LUZP2: variants seen among roughly 807,000 people sequenced by gnomAD.
LUZP2 encodes the protein leucine zipper protein 2.
In LUZP2, 52 loss-of-function variants were observed where a neutral mutation model predicts 51.6. That is an observed-to-expected ratio of 1.01 (90% CI 0.81 to 1.27). The LOEUF is 1.27. Among genes scored for constraint, LUZP2 ranks in the 50% most tolerant of loss-of-function variants. The pLI, the probability that LUZP2 is intolerant of heterozygous loss-of-function variation, is 0.00. For synonymous variants in LUZP2, 154 were observed against 137.3 expected (o/e 1.12, Z -0.85); for missense variants, 436 against 395.4 (o/e 1.10, Z -0.87).
intron 1 of LUZP2, among the ~76,000 whole-genome samples, chr11:24,718,555 T>A (rs1481796061): frequency 1.3e-5 from 2 of 151,470 alleles, no homozygotes; most frequent in African/African-American, 2.4e-5. Flanking sequence ...AGACAAAAGG[T>A]TTGGGGAATT....
chr11:24,793,516 T>A (rs1849463588), intron 5 of LUZP2, among the ~76,000 whole-genome samples: 2 of 152,132 alleles, frequency 1.3e-5, no homozygotes, highest in Admixed American at 1.3e-4. Context: ...TAAAGAAAAG[T>A]CTGACTAAAT....
intron 7 of LUZP2, among the ~76,000 whole-genome samples, chr11:24,955,881 G>C (rs974048793): frequency 1.3e-5 from 2 of 151,970 alleles, no homozygotes; most frequent in Non-Finnish European, 2.9e-5. Flanking sequence ...AAGTTGTTTT[G>C]TCAAGAGGAA....
At chr11:24,927,758 T>C (rs971217294) in intron 7 of LUZP2, among the ~76,000 whole-genome samples, 6 of 152,084 alleles carry the variant, frequency 3.9e-5, no homozygotes, top group African/African-American at 1.4e-4. Context: ...AGAAATTTTT[T>C]TCTACTTTTG....
At chr11:24,748,352 G>T (rs1380210233) in intron 4 of LUZP2, among the ~76,000 whole-genome samples, 1 of 152,108 alleles carries the variant, frequency 6.6e-6, no homozygotes. Flanking sequence ...GGAGCCGAGG[G>T]TCTCCCTTTC....
intron 9 of LUZP2, among the ~76,000 whole-genome samples, chr11:25,002,543 C>T (rs150968658): frequency 0.052 from 7,852 of 152,166 alleles, 484 homozygotes; most frequent in African/African-American, 0.15. Flanking sequence ...ATTTACATCA[C>T]GAGTAGTCCA....
intron 5 of LUZP2, among the ~76,000 whole-genome samples, chr11:24,814,691 G>C (rs1850120156): frequency 6.6e-6 from 1 of 152,098 alleles, no homozygotes; most frequent in Admixed American, 6.6e-5. Context: ...GTTTCTCAGT[G>C]TTATTAAACA....
rs1284188639 is a variant in LUZP2, at chr11:24,922,828, TTTTTTTTTC to T, written c.522+8299_522+8307del. Among the ~76,000 whole-genome samples the T allele has an allele frequency of 7.1e-3, 296 of 41,562 alleles. 38 individuals are homozygous for T. The highest frequency in any genetic ancestry group is 0.03 in the African/African-American group (237 of 7,798). The allele number at this position is 41,562 out of a possible 152,430, so 27.3% of individuals were successfully genotyped here. A position where few individuals can be genotyped will look rare whatever the true frequency, so the allele number is the denominator to read the frequency against. On this transcript the variant is annotated intron_variant, in intron 7 of 11. Coordinates refer to ENST00000336930, the MANE Select transcript of LUZP2 (RefSeq NM_001009909.4). ...CTACCAAGTGGCACAGTTATATCTTTTTTTTTTTCTTTTTTTTTTTTTTTTTTTTTTTTT... is the reference window on the plus strand; with the variant it reads ...CTACCAAGTGGCACAGTTATATCTTTTTTTTTTTTTTTTTTTTTTTTTTTT...
At chr11:24,770,981 G>T (rs79894726) in intron 5 of LUZP2, among the ~76,000 whole-genome samples, 2,853 of 152,238 alleles carry the variant, frequency 0.019, 70 homozygotes, top group African/African-American at 0.062. Flanking sequence ...TTCTGCAACA[G>T]AGGATGGATA....
At chr11:24,773,875 G>A (rs189553979) in intron 5 of LUZP2, among the ~76,000 whole-genome samples, 124 of 152,206 alleles carry the variant, frequency 8.1e-4, no homozygotes, top group Non-Finnish European at 1.4e-3. Context: ...TTCAGTGCCC[G>A]AGGACCCTAA....
chr11:24,530,191 A>G (rs960811584), intron 1 of LUZP2, among the ~76,000 whole-genome samples: 2 of 150,848 alleles, frequency 1.3e-5, no homozygotes, highest in Non-Finnish European at 3.0e-5. Flanking sequence ...TTTAAATGCA[A>G]TGTACATGAT....
intron 9 of LUZP2, among the ~76,000 whole-genome samples, chr11:25,044,298 T>C (rs1242411564): frequency 1.4e-5 from 2 of 138,422 alleles, no homozygotes; most frequent in East Asian, 4.8e-4. Flanking sequence ...TATAGTCTGA[T>C]GCCCATTTTA....
At chr11:24,591,515 A>G (rs1239411762) in intron 1 of LUZP2, among the ~76,000 whole-genome samples, 1 of 152,196 alleles carries the variant, frequency 6.6e-6, no homozygotes, top group East Asian at 1.9e-4. Context: ...AAATACAAAT[A>G]TGTTGTGGTA....
chr11:24,793,938 A>G (rs1033304083), intron 5 of LUZP2, among the ~76,000 whole-genome samples: 1 of 152,070 alleles, frequency 6.6e-6, no homozygotes, highest in Admixed American at 6.6e-5. Flanking sequence ...TTATATTCTG[A>G]CTAACCAATT....
intron 10 of LUZP2, among the ~76,000 whole-genome samples, chr11:25,060,027 C>A (rs748898851): frequency 6.6e-6 from 1 of 152,042 alleles, no homozygotes; most frequent in Non-Finnish European, 1.5e-5. Flanking sequence ...AAAATGTAAT[C>A]AACTCTTCCA....
chr11:24,690,721 G>A (rs1443686087), intron 1 of LUZP2, among the ~76,000 whole-genome samples: 2 of 152,126 alleles, frequency 1.3e-5, no homozygotes, highest in South Asian at 2.1e-4. Flanking sequence ...ACCAACTGTA[G>A]TGAGAATAGT....
Position 24,937,728 on chromosome 11 carries a change from C to T in LUZP2, c.522+23190C>T, listed in dbSNP as rs1041753581. Among the ~76,000 whole-genome samples the T allele has an allele frequency of 8.6e-5, 13 of 151,890 alleles. No homozygotes were observed. In the East Asian group the frequency reaches 1.9e-3, roughly 23 times the overall value. On this transcript the variant is annotated intron_variant, in intron 7 of 11. Transcript: ENST00000336930. ...CATCCTGGCTAACACGGCGAAACCC[C>T]GTCTCTACTAACAATACAAAAAATT...
At chr11:24,605,431 A>G (rs1444383582) in intron 1 of LUZP2, among the ~76,000 whole-genome samples, 7 of 151,738 alleles carry the variant, frequency 4.6e-5, no homozygotes, top group African/African-American at 1.4e-4. Context: ...AAAACAAAAC[A>G]AAACCCCCCA....
chr11:24,565,919 T>C (rs183226497), intron 1 of LUZP2, among the ~76,000 whole-genome samples: 1 of 152,140 alleles, frequency 6.6e-6, no homozygotes, highest in South Asian at 2.1e-4. Context: ...AATAATTCTA[T>C]AGCTAGTGAA....
intron 1 of LUZP2, among the ~76,000 whole-genome samples, chr11:24,607,005 G>A (rs12288564): frequency 1.3e-5 from 2 of 151,708 alleles, no homozygotes; most frequent in Non-Finnish European, 2.9e-5. Context: ...TAGTTGTTTT[G>A]CTGCTGAATT....
Sources: gnomAD v4.1 joint callset for allele counts (sites outside exome capture counted in the v4.1 genomes callset) on GRCh38, gnomAD v4.1.1 for gene constraint, MANE v1.5 for transcripts, NCBI Gene and HGNC (gene_info 2026-07-23, HGNC 2026-07-21) for gene names.